Variants in WDR47 observed in about 807,000 individuals in gnomAD.
The protein encoded by WDR47 is WD repeat domain 47.
Under a neutral mutation model 97.2 loss-of-function variants are expected in WDR47, and 32 were observed. That is an observed-to-expected ratio of 0.33 (90% confidence interval 0.25 to 0.44). WDR47 has a LOEUF of 0.44. Among genes scored for constraint, WDR47 ranks in the 20% least tolerant of loss-of-function variants. The pLI is 1.00. For missense variants in WDR47, 782 were observed against 1,102.3 expected, an observed-to-expected ratio of 0.71 and a Z score of 4.11; for synonymous variants, 375 against 373.5, an observed-to-expected ratio of 1.00 and a Z score of -0.05.
intron 2 of WDR47, among the ~76,000 whole-genome samples, chr1:109,018,174 C>A (rs1401186995): frequency 6.6e-6 from 1 of 151,948 alleles, no homozygotes; most frequent in African/African-American, 2.4e-5. Flanking sequence ...ACATGCCAGG[C>A]GTGGTGGCTC....
At chr1:109,019,541 A>T (rs546362075) in intron 2 of WDR47, among the ~76,000 whole-genome samples, 99 of 152,094 alleles carry the variant, frequency 6.5e-4, no homozygotes, top group Admixed American at 2.2e-3. Context: ...TGGTAGTCAC[A>T]ACTGGGGATA....
At chr1:108,983,998 A>G (rs918789789) in intron 10 of WDR47, among the ~76,000 whole-genome samples, 4 of 152,202 alleles carry the variant, frequency 2.6e-5, no homozygotes, top group African/African-American at 9.6e-5. Flanking sequence ...GGATAAGGCA[A>G]ATTTTTACAG....
intron 5 of WDR47, among the ~76,000 whole-genome samples, chr1:109,010,256 A>T (rs1034432087): frequency 2.0e-5 from 3 of 152,054 alleles, no homozygotes; most frequent in Non-Finnish European, 2.9e-5. Flanking sequence ...GGACCTGAAC[A>T]TTAAGAAAAC....
At chr1:108,992,899 G>A in intron 8 of WDR47, 2 of 1,199,538 alleles carry the variant, frequency 1.7e-6, no homozygotes, top group South Asian at 2.6e-5. Context: ...GAAAATAGAG[G>A]TGAGGAAATT....
intron 1 of WDR47, among the ~76,000 whole-genome samples, chr1:109,032,791 G>A (rs917871836): frequency 6.6e-6 from 1 of 151,810 alleles, no homozygotes; most frequent in Non-Finnish European, 1.5e-5. Context: ...CAGCTATTCA[G>A]GAGGCTGAGG....
At chr1:109,012,516 T>C (rs1351672960) in intron 4 of WDR47, among the ~76,000 whole-genome samples, 2 of 133,808 alleles carry the variant, frequency 1.5e-5, no homozygotes, top group East Asian at 2.2e-4. Context: ...GAGGTTACAG[T>C]GAGCTGAGAT....
At chr1:108,980,601 C>T (rs1557915780) in intron 13 of WDR47, among the ~76,000 whole-genome samples, 1 of 151,790 alleles carries the variant, frequency 6.6e-6, no homozygotes, top group Non-Finnish European at 1.5e-5. Flanking sequence ...TGGTGGTGGG[C>T]GCCTGTAGTT....
intron 7 of WDR47, among the ~76,000 whole-genome samples, chr1:108,996,153 G>T (rs961400847): frequency 6.6e-6 from 1 of 152,054 alleles, no homozygotes; most frequent in African/African-American, 2.4e-5. Context: ...TGCAGCCCTG[G>T]GCTCAAGCAA....
rs753538948 is a variant in WDR47, at chr1:108,991,272, T to C, written c.1749A>G (p.Ser583=). The change falls in exon 9 of 15, where the codon TCA becomes TCG. Residue 583 remains serine, a synonymous_variant. Coordinates refer to ENST00000369962, the MANE Select transcript of WDR47 (RefSeq NM_001142551.2). The part of the protein sequence containing the change: ...PPLGDSPGSL[S]RSKGEEDDKS... The stretch of plus-strand genomic sequence containing the variant: ...GTATTACCTCTTCCCCTTTCGACCT[T>C]GAAAGACTCCCTGGAGAATCTCCAA... 26 of 1,613,284 alleles carry C rather than the reference T, an allele frequency of 1.6e-5. 2 individuals carry two copies. In the South Asian group the frequency reaches 2.2e-4, roughly 14 times the overall value.
chr1:109,041,503 G>C (rs1460679511), intron 1 of WDR47: 1 of 152,284 alleles, frequency 6.6e-6, no homozygotes, highest in African/African-American at 2.4e-5. Flanking sequence ...CGGCGCAGCG[G>C]CGAGATGGGC....
chr1:109,030,328 T>C (rs1342729009), intron 1 of WDR47: 10 of 814,706 alleles, frequency 1.2e-5, no homozygotes, highest in Non-Finnish European at 1.9e-5. Context: ...AAAAGCACTC[T>C]GAATCAAGAT....
rs141844444 is a variant in WDR47 at position 109,038,396 on chromosome 1, G to A, written c.-10+3466C>T. On this transcript the variant is annotated intron_variant, in intron 1 of 14. Coordinates refer to ENST00000369962, the MANE Select transcript of WDR47 (RefSeq NM_001142551.2). The stretch of plus-strand genomic sequence containing the variant: ...ATATTTCAGTAATTTAAAAAATATC[G>A]AGCCAGGTGCAGTGGCTCATGCCTG... Among the ~76,000 whole-genome samples the A allele has an allele frequency of 8.4e-3, 1,281 of 152,154 alleles. 9 individuals carry two copies. Among genetic ancestry groups the A allele is most frequent in the African/African-American group, 0.029 (1,218 of 41,496 alleles).
intron 8 of WDR47, 64 bp from the exon 9 acceptor site, chr1:108,991,393 A>G: frequency 7.1e-7 from 1 of 1,414,394 alleles, no homozygotes; most frequent in Non-Finnish European, 9.8e-7. Flanking sequence ...AAATTAATTT[A>G]CCCTTTCAAA....
intron 9 of WDR47, among the ~76,000 whole-genome samples, chr1:108,987,528 C>T (rs1186028034): frequency 5.9e-5 from 9 of 151,790 alleles, no homozygotes; most frequent in African/African-American, 1.2e-4. Flanking sequence ...AGTGCAGTGG[C>T]GTGATCTTGG....
At chr1:108,994,699 T>A (rs921225396) in intron 8 of WDR47, among the ~76,000 whole-genome samples, 1 of 152,152 alleles carries the variant, frequency 6.6e-6, no homozygotes, top group South Asian at 2.1e-4. Flanking sequence ...GTACTATTTG[T>A]CTTTTGAAAC....
At position 108,970,434 on chromosome 1, in the gene WDR47, T is replaced by C. The variant is rs747159897; in HGVS notation, c.*996A>G. 1 of 152,602 alleles carries C rather than the reference T, an allele frequency of 6.6e-6. No homozygotes were observed. Among genetic ancestry groups the C allele is most frequent in the Non-Finnish European group, 1.5e-5 (1 of 68,034 alleles). The allele number at this position is 152,602 out of a possible 1,614,324, so 9.5% of individuals were successfully genotyped here. A position where few individuals can be genotyped will look rare whatever the true frequency, so the allele number is the denominator to read the frequency against. ...TATGAAAATAAAGATACATAAATGT[T>C]AGAATCTACAAAGCTGTAGAAATAA... is the stretch of plus-strand genomic sequence containing the variant. On this transcript the variant is annotated 3_prime_UTR_variant, in exon 15 of 15. Coordinates refer to ENST00000369962, the MANE Select transcript of WDR47 (RefSeq NM_001142551.2).
intron 2 of WDR47, among the ~76,000 whole-genome samples, chr1:109,020,259 CAG>C (rs1280879728): frequency 2.7e-5 from 4 of 145,674 alleles, no homozygotes; most frequent in Non-Finnish European, 3.0e-5. Flanking sequence ...TTTTTTGAGA[CAG>C]AGTCTTGCTC....
Position 109,002,525 on chromosome 1 carries a change from C to G in WDR47, c.1255-123G>C, listed in dbSNP as rs544108790. ...AGCTATATTTAACAATCACAAAATA[C>G]TTAATCTATTGCTCTTTGAAAAACA... On this transcript the variant is annotated intron_variant, in intron 6 of 14. Coordinates refer to ENST00000369962, the MANE Select transcript of WDR47 (RefSeq NM_001142551.2). 3.4e-5 allele frequency: 28 copies of G among 812,980 alleles called. 1 individual carries two copies. The African/African-American group carries it at 4.7e-4, about 14-fold the overall frequency. The allele number at this position is 812,980 out of a possible 1,614,324, so 50.4% of individuals were successfully genotyped here.
chr1:109,013,732 C>T (rs1482061213), intron 4 of WDR47, 109 bp downstream of exon 4: 3 of 1,120,142 alleles, frequency 2.7e-6, no homozygotes, highest in East Asian at 2.4e-5. Flanking sequence ...CCCATCCCAG[C>T]TCATAAAAAC....
Sources: gnomAD v4.1 joint callset for allele counts (sites outside exome capture counted in the v4.1 genomes callset) on GRCh38, gnomAD v4.1.1 for gene constraint, MANE v1.5 for transcripts, NCBI Gene and HGNC (gene_info 2026-07-23, HGNC 2026-07-21) for gene names.